CNTNAP2: variants seen among roughly 807,000 people sequenced by gnomAD.
The protein encoded by CNTNAP2 is contactin associated protein 2, also known as contactin-associated protein-like 2.
A neutral mutation model predicts 155.2 loss-of-function variants in CNTNAP2; 98 were observed. That is an observed-to-expected ratio of 0.63 (90% CI 0.54 to 0.75). CNTNAP2 has a LOEUF of 0.75. Among genes scored for constraint, CNTNAP2 ranks in the 30% least tolerant of loss-of-function variants. The pLI, the probability that CNTNAP2 is intolerant of heterozygous loss-of-function variation, is 0.00. For missense variants in CNTNAP2, 1,727 were observed against 1,688.1 expected (o/e 1.02, Z -0.40); for synonymous variants, 651 against 631.2 (o/e 1.03, Z -0.47).
chr7:146,858,426 G>T (rs565738011), intron 3 of CNTNAP2, among the ~76,000 whole-genome samples: 2 of 152,280 alleles, frequency 1.3e-5, no homozygotes, highest in African/African-American at 4.8e-5. Flanking sequence ...AGGCTTCGTG[G>T]CTCATGCCTG....
chr7:146,587,166 A>T (rs1030626087), intron 1 of CNTNAP2, among the ~76,000 whole-genome samples: 1 of 152,106 alleles, frequency 6.6e-6, no homozygotes, highest in Non-Finnish European at 1.5e-5. Flanking sequence ...GTCTGGGTGC[A>T]TGCCTGTGAT....
chr7:147,718,667 G>A (rs1004594553), intron 13 of CNTNAP2, among the ~76,000 whole-genome samples: 2 of 152,032 alleles, frequency 1.3e-5, no homozygotes, highest in Non-Finnish European at 2.9e-5. Flanking sequence ...TGTATCCTGG[G>A]TACCATGTAA....
intron 15 of CNTNAP2, among the ~76,000 whole-genome samples, chr7:148,021,024 C>T (rs1271621635): frequency 6.6e-6 from 1 of 152,196 alleles, no homozygotes; most frequent in Admixed American, 6.5e-5. Context: ...CCACGTTAAG[C>T]AGGAAGACAT....
chr7:146,687,104 A>T (rs1328335385), intron 1 of CNTNAP2, among the ~76,000 whole-genome samples: 1 of 152,158 alleles, frequency 6.6e-6, no homozygotes, highest in Non-Finnish European at 1.5e-5. Context: ...TATTATTTTC[A>T]GAGAAAATTT....
At chr7:146,617,771 A>T (rs867394239) in intron 1 of CNTNAP2, among the ~76,000 whole-genome samples, 2 of 152,136 alleles carry the variant, frequency 1.3e-5, no homozygotes, top group Non-Finnish European at 2.9e-5. Flanking sequence ...ATATTTTTTT[A>T]AAATATCTCA....
chr7:146,389,703 C>CTTTTTTTTTTTTTTTT (rs750823074), intron 1 of CNTNAP2, among the ~76,000 whole-genome samples: 1 of 129,016 alleles, frequency 7.8e-6, no homozygotes, highest in Non-Finnish European at 1.7e-5. Context: ...TTTCTTTTTT[C>CTTTTTTTTTTTTTTTT]TTTTTTTTTT....
chr7:146,182,674 A>G (rs146128304), intron 1 of CNTNAP2, among the ~76,000 whole-genome samples: 34 of 152,246 alleles, frequency 2.2e-4, no homozygotes, highest in African/African-American at 7.5e-4. Context: ...ATCCTTTTCT[A>G]ACACAACTTT....
intron 2 of CNTNAP2, among the ~76,000 whole-genome samples, chr7:146,775,219 T>C (rs1326789283): frequency 6.6e-6 from 1 of 152,106 alleles, no homozygotes; most frequent in Non-Finnish European, 1.5e-5. Flanking sequence ...TTAGACAAGA[T>C]GAATAAGTTT....
chr7:147,148,699 C>A (rs1801764209), intron 8 of CNTNAP2, among the ~76,000 whole-genome samples: 1 of 152,170 alleles, frequency 6.6e-6, no homozygotes, highest in South Asian at 2.1e-4. Flanking sequence ...GGAGTGAAGC[C>A]ACAGACCTTC....
chr7:148,345,694 T>C (rs749724689), intron 21 of CNTNAP2, among the ~76,000 whole-genome samples: 44 of 152,162 alleles, frequency 2.9e-4, no homozygotes, highest in Non-Finnish European at 6.2e-4. Flanking sequence ...TCACTAGATA[T>C]TTAAAGAGAA....
intron 11 of CNTNAP2, among the ~76,000 whole-genome samples, chr7:147,487,980 T>G (rs1488753195): frequency 1.3e-5 from 2 of 152,222 alleles, no homozygotes; most frequent in Non-Finnish European, 2.9e-5. Context: ...GCCAAAATTT[T>G]GAATATCCAA....
chr7:147,442,917 C>A (rs1261993312), intron 10 of CNTNAP2, among the ~76,000 whole-genome samples: 1 of 152,060 alleles, frequency 6.6e-6, no homozygotes, highest in African/African-American at 2.4e-5. Flanking sequence ...TGTCTCCTGT[C>A]CTCAAGCAGA....
chr7:146,727,091 T>C (rs1801442836), intron 1 of CNTNAP2, among the ~76,000 whole-genome samples: 1 of 152,158 alleles, frequency 6.6e-6, no homozygotes, highest in South Asian at 2.1e-4. Flanking sequence ...AGTTGAAATG[T>C]GAAGGAGCAT....
intron 18 of CNTNAP2, among the ~76,000 whole-genome samples, chr7:148,196,335 C>T (rs1326121800): frequency 2.0e-5 from 3 of 152,218 alleles, no homozygotes; most frequent in African/African-American, 7.2e-5. Flanking sequence ...ATCTATTAGA[C>T]TTTTCTAGTT....
At chr7:146,213,172 A>T (rs1178561107) in intron 1 of CNTNAP2, among the ~76,000 whole-genome samples, 3 of 152,176 alleles carry the variant, frequency 2.0e-5, no homozygotes. Context: ...TTATGTGCAT[A>T]TAAAGGTATA....
chr7:148,298,348 G>C (rs1041398618), intron 21 of CNTNAP2, among the ~76,000 whole-genome samples: 9 of 152,192 alleles, frequency 5.9e-5, no homozygotes, highest in African/African-American at 2.2e-4. Context: ...ACGTTTTTAA[G>C]TCAGCCTAAA....
Position 148,087,309 on chromosome 7 carries a change from G to A in CNTNAP2, c.2384-30809G>A, listed in dbSNP as rs150182511. Among the ~76,000 whole-genome samples, 582 of 152,134 alleles carry A rather than the reference G, an allele frequency of 3.8e-3. 2 individuals carry two copies. Among genetic ancestry groups the A allele is most frequent in the African/African-American group, 0.014 (563 of 41,508 alleles). ...TGTCTATTGTACTACCCACTATAGC[G>A]ACTATATAGTAAGGAATATAAATTT... On this transcript the variant is annotated intron_variant, in intron 15 of 23. Coordinates refer to ENST00000361727, the MANE Select transcript of CNTNAP2 (RefSeq NM_014141.6).
chr7:147,219,013 G>T (rs908159775), intron 8 of CNTNAP2, among the ~76,000 whole-genome samples: 1 of 152,168 alleles, frequency 6.6e-6, no homozygotes, highest in Non-Finnish European at 1.5e-5. Flanking sequence ...TTGGCTCATA[G>T]TTCTAGAGGT....
At chr7:146,743,173 G>A (rs751275537) in intron 1 of CNTNAP2, among the ~76,000 whole-genome samples, 22 of 152,172 alleles carry the variant, frequency 1.4e-4, no homozygotes, top group Non-Finnish European at 2.5e-4. Flanking sequence ...AAATTGATTA[G>A]TAAAAAAACA....
Sources: gnomAD v4.1 joint callset for allele counts (sites outside exome capture counted in the v4.1 genomes callset) on GRCh38, gnomAD v4.1.1 for gene constraint, MANE v1.5 for transcripts, NCBI Gene and HGNC (gene_info 2026-07-23, HGNC 2026-07-21) for gene names.